TLNRD1: variants seen among roughly 807,000 people sequenced by gnomAD.
TLNRD1 encodes talin rod domain-containing protein 1.
In TLNRD1, 14 loss-of-function variants were observed where a neutral mutation model predicts 19.5. The observed-to-expected ratio is 0.72, with a 90% CI of 0.47 to 1.12. TLNRD1 has a LOEUF of 1.12. Among genes scored for constraint, TLNRD1 ranks in the 50% most tolerant of loss-of-function variants. The pLI is 0.00. For missense variants in TLNRD1, 569 were observed against 531.9 expected (o/e 1.07, Z -0.69); for synonymous variants, 345 against 261.7 (o/e 1.32, Z -3.07).
Position 81,002,513 on chromosome 15 carries a change from CCAT to C in TLNRD1, c.247_249del (p.Ile83del). The C allele has an allele frequency of 6.8e-7, 1 of 1,479,974 alleles. No homozygotes were observed. The highest frequency in any genetic ancestry group is 8.9e-7 in the Non-Finnish European group (1 of 1,118,856). 91.7% of individuals were successfully genotyped at this position (1,479,974 alleles called of 1,614,324 possible). On this transcript the variant is annotated inframe_deletion, in exon 1 of 1. Coordinates refer to ENST00000267984, the MANE Select transcript of TLNRD1 (RefSeq NM_022566.3). ...GAGTCCTTCGAGCAGTGCCGGGACA[CCAT>C]CATCGCGCGCACCAAGGGGCTCTCC...
rs781405318 is a variant in TLNRD1, at chr15:81,002,648, C to T, written c.377C>T (p.Ser126Leu). 1.4e-6 allele frequency: 2 copies of T among 1,470,634 alleles called. No homozygotes were observed. Among genetic ancestry groups the T allele is most frequent in the East Asian group, 2.5e-5 (1 of 39,924 alleles). The allele number at this position is 1,470,634 out of a possible 1,614,324, so 91.1% of individuals were successfully genotyped here. The change falls in exon 1 of 1, where the codon TCG becomes TTG. Residue 126 changes from serine to leucine, a missense_variant. Ser to Leu is a moderately radical substitution (Grantham distance 145). Coordinates refer to ENST00000267984, the MANE Select transcript of TLNRD1 (RefSeq NM_022566.3). The part of the protein sequence containing the change: ...GDLVVSLTEC[S>L]AHAAYLAAVA... Reference sequence around the variant, plus strand: ...CTGGTGGTGTCGCTGACCGAGTGCTCGGCCCACGCGGCCTATCTGGCCGCT... The same window carrying T: ...CTGGTGGTGTCGCTGACCGAGTGCTTGGCCCACGCGGCCTATCTGGCCGCT...
At position 81,003,166 on chromosome 15, in the gene TLNRD1, T is replaced by G. The variant is rs1893444340; in HGVS notation, c.895T>G (p.Cys299Gly). 1.3e-6 allele frequency: 2 copies of G among 1,575,512 alleles called. No homozygotes were observed. Among genetic ancestry groups the G allele is most frequent in the African/African-American group, 1.3e-5 (1 of 74,156 alleles). ...CGGCGCCATGAGCGTGGTGTCGGCC[T>G]GCGTGCTCCTGACCCAGTGCCTCAG... ...LGGAMSVVSA[C>G]VLLTQCLRDL... Residue 299 changes from cysteine (C) to glycine (G), a missense_variant, in exon 1 of 1, where the codon TGC (cysteine) becomes GGC (glycine). Cys to Gly is a radical substitution (Grantham distance 159, BLOSUM62 -3). Coordinates refer to ENST00000267984, the MANE Select transcript of TLNRD1 (RefSeq NM_022566.3).
chr15:81,002,094 G>T lies in TLNRD1; in HGVS notation c.-178G>T. On this transcript the variant is annotated 5_prime_UTR_variant, in exon 1 of 1. Transcript: ENST00000267984. ...CTCGGGCCCACCCCGCGCCGCCCGG[G>T]CTCCCGCCGCCGCAGCCCAGTGCCC... 11 of 652,304 alleles carry T rather than the reference G, an allele frequency of 1.7e-5. No homozygotes were observed. Among genetic ancestry groups the T allele is most frequent in the Non-Finnish European group, 2.3e-5 (11 of 476,640 alleles). 40.4% of individuals were successfully genotyped at this position (652,304 alleles called of 1,614,324 possible). A position where few individuals can be genotyped will look rare whatever the true frequency, so the allele number is the denominator to read the frequency against.
Position 81,002,513 on chromosome 15 carries a change from C to A in TLNRD1, c.242C>A (p.Thr81Asn). The A allele has an allele frequency of 6.8e-7, 1 of 1,479,974 alleles. No individual in the cohort carries two copies. The highest frequency in any genetic ancestry group is 1.8e-4 in the Middle Eastern group (1 of 5,590). 91.7% of individuals were successfully genotyped at this position (1,479,974 alleles called of 1,614,324 possible). ...GAGTCCTTCGAGCAGTGCCGGGACA[C>A]CATCATCGCGCGCACCAAGGGGCTC... ...GAESFEQCRD[T>N]IIARTKGLSI... The change falls in exon 1 of 1, where the codon ACC (threonine) becomes AAC (asparagine). Residue 81 changes from threonine to asparagine, a missense_variant. Physicochemically the swap from Thr to Asn is moderately conservative, Grantham distance 65. Coordinates refer to ENST00000267984, the MANE Select transcript of TLNRD1 (RefSeq NM_022566.3).
At position 81,001,445 on chromosome 15, in the gene TLNRD1, G is replaced by C. The variant is rs1261210875; in HGVS notation, c.-827G>C. On this transcript the variant is annotated 5_prime_UTR_variant, in exon 1 of 1. Transcript: ENST00000267984. The stretch of plus-strand genomic sequence containing the variant: ...GCGGGAAGGGGCCGCCGTGGTGCTC[G>C]GCACGCCCGGGCGTGTGGCGGGCGG... 2 of 151,264 alleles carry C rather than the reference G, an allele frequency of 1.3e-5. No homozygotes were observed. Among genetic ancestry groups the C allele is most frequent in the African/African-American group, 4.8e-5 (2 of 41,316 alleles). The allele number at this position is 151,264 out of a possible 1,614,324, so 9.4% of individuals were successfully genotyped here.
rs780438146 is a variant in TLNRD1 at position 81,003,388 on chromosome 15, C to T, written c.*28C>T. 19 of 1,553,708 alleles carry T rather than the reference C, an allele frequency of 1.2e-5. No homozygotes were observed. Among genetic ancestry groups the T allele is most frequent in the Middle Eastern group, 3.4e-4 (2 of 5,826 alleles). ...CCCCACCCCCATACCCCTTCTTCCA[C>T]CCCCAGACTAAAGGAAGATACTTAC... On this transcript the variant is annotated 3_prime_UTR_variant, in exon 1 of 1. Transcript: ENST00000267984.
At position 81,005,384 on chromosome 15, in the gene TLNRD1, T is replaced by C. The variant is rs77067642; in HGVS notation, c.*2024T>C. 163 of 167,208 alleles carry C rather than the reference T, an allele frequency of 9.7e-4. 1 individual carries two copies. Among genetic ancestry groups the C allele is most frequent in the African/African-American group, 3.9e-3 (161 of 41,572 alleles). 10.4% of individuals were successfully genotyped at this position (167,208 alleles called of 1,614,324 possible). On this transcript the variant is annotated 3_prime_UTR_variant, in exon 1 of 1. Transcript: ENST00000267984. Reference sequence around the variant, plus strand: ...TGACAATCCTGCATGCATATAGAAATTTTTATTTATTGAATGTACACAAGT... The same window carrying C: ...TGACAATCCTGCATGCATATAGAAACTTTTATTTATTGAATGTACACAAGT...
Position 81,002,205 on chromosome 15 carries a change from G to A in TLNRD1, c.-67G>A. 8.2e-7 allele frequency: 1 copy of A among 1,212,680 alleles called. No individual in the cohort carries two copies. Among genetic ancestry groups the A allele is most frequent in the Non-Finnish European group, 1.0e-6 (1 of 975,968 alleles). The allele number at this position is 1,212,680 out of a possible 1,614,324, so 75.1% of individuals were successfully genotyped here. A position where few individuals can be genotyped will look rare whatever the true frequency, so the allele number is the denominator to read the frequency against. Reference sequence around the variant, plus strand: ...GAGTCGCGACGGCCGCCGGGGCGGCGGCAGTGGCCGCGGCAGCGGCGGTGG... The same window carrying A: ...GAGTCGCGACGGCCGCCGGGGCGGCAGCAGTGGCCGCGGCAGCGGCGGTGG... On this transcript the variant is annotated 5_prime_UTR_variant, in exon 1 of 1. Coordinates refer to ENST00000267984, the MANE Select transcript of TLNRD1 (RefSeq NM_022566.3).
At position 81,003,700 on chromosome 15, in the gene TLNRD1, A is replaced by C; in HGVS notation, c.*340A>C. 4.1e-6 allele frequency: 1 copy of C among 242,022 alleles called. No individual in the cohort carries two copies. 15.0% of individuals were successfully genotyped at this position (242,022 alleles called of 1,614,324 possible). On this transcript the variant is annotated 3_prime_UTR_variant, in exon 1 of 1. Coordinates refer to ENST00000267984, the MANE Select transcript of TLNRD1 (RefSeq NM_022566.3). ...AGGAAGGAGGTCATGGGTTCATTTCATTTTTGTTTTTTGTGTTTTTAATTA... is the reference window on the plus strand; with the variant it reads ...AGGAAGGAGGTCATGGGTTCATTTCCTTTTTGTTTTTTGTGTTTTTAATTA...
At position 81,003,625 on chromosome 15, in the gene TLNRD1, C is replaced by T. The variant is rs1893455537; in HGVS notation, c.*265C>T. Reference sequence around the variant, plus strand: ...CTGGTTGTGTTATCACTCCCACCCCCTACCCCAGCCCGTCTTCCGGAATTT... The same window carrying T: ...CTGGTTGTGTTATCACTCCCACCCCTTACCCCAGCCCGTCTTCCGGAATTT... On this transcript the variant is annotated 3_prime_UTR_variant, in exon 1 of 1. Transcript: ENST00000267984. 3 of 387,924 alleles carry T rather than the reference C, an allele frequency of 7.7e-6. No homozygotes were observed. Among genetic ancestry groups the T allele is most frequent in the East Asian group, 4.1e-5 (1 of 24,450 alleles). The allele number at this position is 387,924 out of a possible 1,614,324, so 24.0% of individuals were successfully genotyped here. A position where few individuals can be genotyped will look rare whatever the true frequency, so the allele number is the denominator to read the frequency against.
rs1464820348 is a variant in TLNRD1 at position 81,002,902 on chromosome 15, C to G, written c.631C>G (p.Arg211Gly). 6 of 1,597,366 alleles carry G rather than the reference C, an allele frequency of 3.8e-6. No individual in the cohort carries two copies. Among genetic ancestry groups the G allele is most frequent in the Non-Finnish European group, 5.1e-6 (6 of 1,178,838 alleles). ...TGACAAGTCACGGGACCGCTTTTCG[C>G]GGGAGCAGTTCAAGCTGGGCGTCAA... ...ASDKSRDRFSREQFKLGVKCM... is the reference protein window; with the variant it reads ...ASDKSRDRFSGEQFKLGVKCM... Residue 211 changes from arginine to glycine, a missense_variant, in exon 1 of 1, where the codon CGG (arginine) becomes GGG (glycine). Arg to Gly is a moderately radical substitution (Grantham distance 125). Coordinates refer to ENST00000267984, the MANE Select transcript of TLNRD1 (RefSeq NM_022566.3).
Position 81,002,549 on chromosome 15 carries a change from C to A in TLNRD1, c.278C>A (p.Thr93Asn). ...CGCACCAAGGGGCTCTCCATCCTCA[C>A]CCACGACGTGCAGAGCCAGCTCAAC... is the stretch of plus-strand genomic sequence containing the variant. ...IARTKGLSIL[T>N]HDVQSQLNMG... The change falls in exon 1 of 1, where the codon ACC becomes AAC. Residue 93 changes from threonine to asparagine, a missense_variant. By Grantham distance (65) the Thr-to-Asn change is moderately conservative. Transcript: ENST00000267984. 2 of 1,458,920 alleles carry A rather than the reference C, an allele frequency of 1.4e-6. No individual in the cohort carries two copies. Among genetic ancestry groups the A allele is most frequent in the Non-Finnish European group, 9.0e-7 (1 of 1,110,192 alleles). The allele number at this position is 1,458,920 out of a possible 1,614,324, so 90.4% of individuals were successfully genotyped here. A position where few individuals can be genotyped will look rare whatever the true frequency, so the allele number is the denominator to read the frequency against.
chr15:81,003,392 C>T lies in TLNRD1; in HGVS notation c.*32C>T. On this transcript the variant is annotated 3_prime_UTR_variant, in exon 1 of 1. Transcript: ENST00000267984. Reference sequence around the variant, plus strand: ...ACCCCCATACCCCTTCTTCCACCCCCAGACTAAAGGAAGATACTTACTCTC... The same window carrying T: ...ACCCCCATACCCCTTCTTCCACCCCTAGACTAAAGGAAGATACTTACTCTC... 13 of 1,551,784 alleles carry T rather than the reference C, an allele frequency of 8.4e-6. No homozygotes were observed. Among genetic ancestry groups the T allele is most frequent in the Non-Finnish European group, 1.1e-5 (13 of 1,142,690 alleles).
Position 81,002,350 on chromosome 15 carries a change from T to C in TLNRD1, c.79T>C (p.Ser27Pro). Residue 27 changes from serine to proline, a missense_variant, in exon 1 of 1, where the codon TCG becomes CCG. Physicochemically the swap from Ser to Pro is moderately conservative, Grantham distance 74. Transcript: ENST00000267984. ...TGCGAGCGCCATCGGCGGGGCCAGC[T>C]CGCAGCCGCGGAAGAGGCTGGTATC... ...APASAIGGAS[S>P]QPRKRLVSVC... 7.1e-7 allele frequency: 1 copy of C among 1,407,630 alleles called. No homozygotes were observed. Among genetic ancestry groups the C allele is most frequent in the Non-Finnish European group, 9.3e-7 (1 of 1,075,182 alleles). 87.2% of individuals were successfully genotyped at this position (1,407,630 alleles called of 1,614,324 possible). A position where few individuals can be genotyped will look rare whatever the true frequency, so the allele number is the denominator to read the frequency against.
In TLNRD1 at chr15:81,002,431, T is replaced by G. The variant is rs1567132323; in HGVS notation, c.160T>G (p.Ser54Ala). Residue 54 changes from serine (S) to alanine (A), a missense_variant, in exon 1 of 1, where the codon TCG becomes GCG. Coordinates refer to ENST00000267984, the MANE Select transcript of TLNRD1 (RefSeq NM_022566.3). ...MQLVADLLLL[S>A]SEARPVLFEG... ...GCTGGTGGCTGACCTGCTGCTGCTG[T>G]CGAGCGAGGCGCGGCCCGTGCTCTT... 9.0e-6 allele frequency: 14 copies of G among 1,555,320 alleles called. No homozygotes were observed. Among genetic ancestry groups the G allele is most frequent in the Non-Finnish European group, 1.1e-5 (13 of 1,157,776 alleles).
At position 81,003,279 on chromosome 15, in the gene TLNRD1, C is replaced by A. The variant is rs746652893; in HGVS notation, c.1008C>A (p.Gly336=). ...ACTCGGCCTGCGCCGTGTCTGAAGG[C>A]TGCACCCTGCTATCTCAGGCTTTAA... ...LRNSACAVSE[G]CTLLSQALRE... The change falls in exon 1 of 1, where the codon GGC becomes GGA. Residue 336 remains glycine (G), a synonymous_variant. Transcript: ENST00000267984. The A allele has an allele frequency of 1.9e-6, 3 of 1,611,284 alleles. No individual in the cohort carries two copies. The highest frequency in any genetic ancestry group is 2.5e-6 in the Non-Finnish European group (3 of 1,179,286).
Position 81,002,529 on chromosome 15 carries a change from C to T in TLNRD1, c.258C>T (p.Thr86=), listed in dbSNP as rs763947378. The T allele has an allele frequency of 6.8e-7, 1 of 1,463,726 alleles. No individual in the cohort carries two copies. The highest frequency in any genetic ancestry group is 9.0e-7 in the Non-Finnish European group (1 of 1,112,074). 90.7% of individuals were successfully genotyped at this position (1,463,726 alleles called of 1,614,324 possible). ...EQCRDTIIAR[T]KGLSILTHDV... is the part of the protein sequence containing the mutation. ...GCCGGGACACCATCATCGCGCGCAC[C>T]AAGGGGCTCTCCATCCTCACCCACG... Residue 86 remains threonine (T), a synonymous_variant, in exon 1 of 1, where the codon ACC becomes ACT. Coordinates refer to ENST00000267984, the MANE Select transcript of TLNRD1 (RefSeq NM_022566.3).
At position 81,003,922 on chromosome 15, in the gene TLNRD1, T is replaced by C. The variant is rs1468285948; in HGVS notation, c.*562T>C. On this transcript the variant is annotated 3_prime_UTR_variant, in exon 1 of 1. Transcript: ENST00000267984. ...TTTTTTAATTTACACTATAGAGTGA[T>C]TTTTTTTTCCCCCAACGTCAAGTTT... 6.4e-6 allele frequency: 1 copy of C among 157,262 alleles called. No homozygotes were observed. The highest frequency in any genetic ancestry group is 6.7e-5 in the Admixed American group (1 of 14,874). 9.7% of individuals were successfully genotyped at this position (157,262 alleles called of 1,614,324 possible).
chr15:81,005,297 C>A lies in TLNRD1; in HGVS notation c.*1937C>A, dbSNP rs1893476348. ...TGAGCATCTTTATTCCTTTCCTCTGCCCCTTAATGTTGGGATGGGGTTCAG... is the reference window on the plus strand; with the variant it reads ...TGAGCATCTTTATTCCTTTCCTCTGACCCTTAATGTTGGGATGGGGTTCAG... On this transcript the variant is annotated 3_prime_UTR_variant, in exon 1 of 1. Coordinates refer to ENST00000267984, the MANE Select transcript of TLNRD1 (RefSeq NM_022566.3). The A allele has an allele frequency of 6.0e-6, 1 of 167,054 alleles. No homozygotes were observed. 10.3% of individuals were successfully genotyped at this position (167,054 alleles called of 1,614,324 possible).
Sources: gnomAD v4.1 joint callset for allele counts on GRCh38, gnomAD v4.1.1 for gene constraint, MANE v1.5 for transcripts, NCBI Gene and HGNC (gene_info 2026-07-23, HGNC 2026-07-21) for gene names.